Variants in ADGRL4 observed in about 807,000 individuals in gnomAD.
The protein encoded by ADGRL4 is EGF, latrophilin and seven transmembrane domain containing 1.
Under a neutral mutation model 74.8 loss-of-function variants are expected in ADGRL4, and 90 were observed. The observed-to-expected ratio is 1.20, with a 90% CI of 1.02 to 1.43. The LOEUF (loss-of-function observed/expected upper bound fraction) is 1.43, where lower values mean the gene tolerates loss of function less well. Among genes scored for constraint, ADGRL4 ranks in the 40% most tolerant of loss-of-function variants. The pLI is 0.00. For missense variants in ADGRL4, 881 were observed against 814.3 expected (o/e 1.08, Z -1.00); for synonymous variants, 311 against 279.2 (o/e 1.11, Z -1.14).
At chr1:78,977,242 C>T (rs923079880) in intron 2 of ADGRL4, among the ~76,000 whole-genome samples, 3 of 151,758 alleles carry the variant, frequency 2.0e-5, no homozygotes, top group Non-Finnish European at 2.9e-5. Flanking sequence ...TTAAATAACT[C>T]TCAGCAAACT....
At chr1:78,957,224 A>G (rs796958755) in intron 2 of ADGRL4, among the ~76,000 whole-genome samples, 4 of 152,282 alleles carry the variant, frequency 2.6e-5, no homozygotes, top group African/African-American at 9.6e-5. Flanking sequence ...AAATTAGGCC[A>G]GTTAATAACC....
intron 2 of ADGRL4, among the ~76,000 whole-genome samples, chr1:78,963,419 C>G (rs868805876): frequency 2.0e-5 from 3 of 152,120 alleles, no homozygotes; most frequent in African/African-American, 4.8e-5. Context: ...GAGACCCTGC[C>G]TAGATTGGAG....
intron 2 of ADGRL4, among the ~76,000 whole-genome samples, chr1:78,998,016 C>T (rs533824668): frequency 6.6e-6 from 1 of 152,084 alleles, no homozygotes; most frequent in East Asian, 1.9e-4. Context: ...AGACAAACAA[C>T]GAGGAATAGA....
chr1:78,964,977 C>T (rs560792333), intron 2 of ADGRL4, among the ~76,000 whole-genome samples: 94 of 151,828 alleles, frequency 6.2e-4, no homozygotes, highest in Non-Finnish European at 1.1e-3. Flanking sequence ...TTCTAATGTT[C>T]TGTAGAATTG....
At chr1:78,910,726 C>T (rs991179130) in intron 12 of ADGRL4, among the ~76,000 whole-genome samples, 1 of 151,774 alleles carries the variant, frequency 6.6e-6, no homozygotes, top group African/African-American at 2.4e-5. Flanking sequence ...CAGTTTGCAG[C>T]TTGCTTTACA....
intron 2 of ADGRL4, among the ~76,000 whole-genome samples, chr1:78,967,058 G>T (rs551725119): frequency 6.6e-6 from 1 of 152,000 alleles, no homozygotes; most frequent in African/African-American, 2.4e-5. Flanking sequence ...TTGGCCTAAA[G>T]GAAGACAAGT....
intron 2 of ADGRL4, among the ~76,000 whole-genome samples, chr1:78,952,139 G>A (rs1026089778): frequency 3.3e-5 from 5 of 151,770 alleles, no homozygotes; most frequent in African/African-American, 4.8e-5. Flanking sequence ...ATTATTGGCC[G>A]GGCTCAAATT....
chr1:78,942,172 TCAAAAAAAAAAA>T (rs1649499676), intron 3 of ADGRL4, among the ~76,000 whole-genome samples: 1 of 21,276 alleles, frequency 4.7e-5, no homozygotes, highest in African/African-American at 2.3e-4. Flanking sequence ...AGACTCCGTC[TCAAAAAAAAAAA>T]AAAAAAAAAA....
At chr1:78,976,356 G>A (rs561620196) in intron 2 of ADGRL4, among the ~76,000 whole-genome samples, 1 of 151,812 alleles carries the variant, frequency 6.6e-6, no homozygotes, top group Admixed American at 6.6e-5. Context: ...AGGACATTGG[G>A]TAGAATGTTT....
At chr1:78,968,846 A>C (rs1228676847) in intron 2 of ADGRL4, among the ~76,000 whole-genome samples, 1 of 152,172 alleles carries the variant, frequency 6.6e-6, no homozygotes, top group Non-Finnish European at 1.5e-5. Flanking sequence ...GATGGCTTAT[A>C]ATAAGCTACA....
chr1:78,942,368 A>G (rs925919232), intron 3 of ADGRL4, among the ~76,000 whole-genome samples: 17 of 152,240 alleles, frequency 1.1e-4, no homozygotes, highest in African/African-American at 3.9e-4. Flanking sequence ...CCTTGTGACT[A>G]AGTATGTTTG....
intron 4 of ADGRL4, among the ~76,000 whole-genome samples, chr1:78,938,486 A>T (rs1649406764): frequency 6.6e-6 from 1 of 151,714 alleles, no homozygotes; most frequent in African/African-American, 2.4e-5. Flanking sequence ...AAAAGCCTAG[A>T]CTTGACTTTA....
At position 78,939,060 on chromosome 1, in the gene ADGRL4, A is replaced by G. The variant is rs951679881; in HGVS notation, c.396+128T>C. 1.9e-5 allele frequency: 23 copies of G among 1,212,522 alleles called. No homozygotes were observed. In the East Asian group the frequency reaches 7.5e-4, roughly 40 times the overall value. 75.1% of individuals were successfully genotyped at this position (1,212,522 alleles called of 1,614,324 possible). ...GCAAACATGATGCTTAGATCTCTATATGTAAACGTTTTCGACTCTCCCTAA... is the reference window on the plus strand; with the variant it reads ...GCAAACATGATGCTTAGATCTCTATGTGTAAACGTTTTCGACTCTCCCTAA... On this transcript the variant is annotated intron_variant, in intron 4 of 14. Coordinates refer to ENST00000370742, the MANE Select transcript of ADGRL4 (RefSeq NM_022159.4).
chr1:78,975,891 T>C (rs138624690), intron 2 of ADGRL4, among the ~76,000 whole-genome samples: 127 of 151,940 alleles, frequency 8.4e-4, no homozygotes, highest in African/African-American at 2.8e-3. Flanking sequence ...ACATCATTAG[T>C]AGCAGCAACA....
In ADGRL4 at chr1:78,966,259, C is replaced by A. The variant is rs12024704; in HGVS notation, c.173-19833G>T. On this transcript the variant is annotated intron_variant, in intron 2 of 14. Transcript: ENST00000370742. ...TGGTACCCAGGATTCAATCTGTGAT[C>A]GGGGAAGCACACTAGCAGGACTCTG... Among the ~76,000 whole-genome samples the A allele has an allele frequency of 2.0e-4, 31 of 152,154 alleles. 1 individual carries two copies. The highest frequency in any genetic ancestry group is 1.4e-3 in the Admixed American group (22 of 15,288).
At chr1:78,992,625 AG>A (rs1274223920) in intron 2 of ADGRL4, among the ~76,000 whole-genome samples, 1 of 152,138 alleles carries the variant, frequency 6.6e-6, no homozygotes, top group Non-Finnish European at 1.5e-5. Context: ...TAATAATTTA[AG>A]GTTGGTGCTT....
At chr1:78,923,384 A>C (rs1365275377) in intron 8 of ADGRL4, among the ~76,000 whole-genome samples, 1 of 152,066 alleles carries the variant, frequency 6.6e-6, no homozygotes, top group Non-Finnish European at 1.5e-5. Flanking sequence ...GCCCAAAATA[A>C]ACTGCTTTTG....
intron 9 of ADGRL4, among the ~76,000 whole-genome samples, chr1:78,920,654 G>A (rs1648978759): frequency 6.6e-6 from 1 of 151,646 alleles, no homozygotes; most frequent in South Asian, 2.1e-4. Context: ...ATTAGTACAT[G>A]GTTTAACAAT....
At chr1:78,948,739 T>G (rs1156495635) in intron 2 of ADGRL4, among the ~76,000 whole-genome samples, 1 of 152,118 alleles carries the variant, frequency 6.6e-6, no homozygotes, top group Admixed American at 6.6e-5. Context: ...AACTAGTTTC[T>G]TAAAATTAAC....
Sources: gnomAD v4.1 joint callset for allele counts (sites outside exome capture counted in the v4.1 genomes callset) on GRCh38, gnomAD v4.1.1 for gene constraint, MANE v1.5 for transcripts, NCBI Gene and HGNC (gene_info 2026-07-23, HGNC 2026-07-21) for gene names.